RPA3: variants seen among roughly 807,000 people sequenced by gnomAD.
RPA3 encodes replication protein A3.
Under a neutral mutation model 13.7 loss-of-function variants are expected in RPA3, and 24 were observed. The observed-to-expected ratio is 1.75, with a 90% CI of 1.27 to 2.46. The LOEUF (loss-of-function observed/expected upper bound fraction) is 2.46, where lower values mean the gene tolerates loss of function less well. Ranked by LOEUF, RPA3 falls within the 30% of genes most tolerant of loss-of-function variation. The probability of loss-of-function intolerance (pLI) is 0.00; values close to 1 mark genes in which losing one functional copy is unlikely to be tolerated. For synonymous variants in RPA3, 59 were observed against 51.2 expected (o/e 1.15, Z -0.65); for missense variants, 183 against 151.0 (o/e 1.21, Z -1.11).
intron 4 of RPA3, among the ~76,000 whole-genome samples, chr7:7,659,922 T>C (rs900487919): frequency 6.6e-6 from 1 of 152,196 alleles, no homozygotes; most frequent in African/African-American, 2.4e-5. Context: ...CCCACTATTA[T>C]TGTGTTGGAG....
chr7:7,659,364 T>C (rs1044544671), intron 4 of RPA3, among the ~76,000 whole-genome samples: 1 of 152,190 alleles, frequency 6.6e-6, no homozygotes, highest in African/African-American at 2.4e-5. Flanking sequence ...ATTTGTTTGC[T>C]CTTGCTTCTC....
intron 2 of RPA3, among the ~76,000 whole-genome samples, chr7:7,687,888 A>T (rs149528167): frequency 2.0e-5 from 3 of 152,338 alleles, no homozygotes; most frequent in African/African-American, 7.2e-5. Context: ...GGAACGACTT[A>T]TTTTTATTTC....
intron 2 of RPA3, among the ~76,000 whole-genome samples, chr7:7,696,138 T>C (rs1190794436): frequency 6.6e-6 from 1 of 151,988 alleles, no homozygotes; most frequent in Non-Finnish European, 1.5e-5. Context: ...CCTGAGTAGC[T>C]GGGACTACAG....
intron 4 of RPA3, among the ~76,000 whole-genome samples, chr7:7,677,647 T>C (rs1222388817): frequency 6.6e-6 from 1 of 150,980 alleles, no homozygotes; most frequent in East Asian, 2.0e-4. Context: ...TTTCTTTATC[T>C]ATTCATCTGT....
intron 4 of RPA3, among the ~76,000 whole-genome samples, chr7:7,671,843 C>G (rs1167719372): frequency 1.3e-5 from 2 of 152,166 alleles, no homozygotes; most frequent in African/African-American, 2.4e-5. Context: ...CCAGTAAGCA[C>G]TTTCTTTAAG....
chr7:7,694,226 A>G (rs1780250677), intron 2 of RPA3, among the ~76,000 whole-genome samples: 2 of 152,046 alleles, frequency 1.3e-5, no homozygotes, highest in African/African-American at 2.4e-5. Flanking sequence ...ACTTATTGGT[A>G]ACTTTTTATT....
intron 3 of RPA3, among the ~76,000 whole-genome samples, chr7:7,686,452 TA>T (rs2115130424): frequency 6.6e-6 from 1 of 152,340 alleles, no homozygotes; most frequent in Non-Finnish European, 1.5e-5. Context: ...GACAATTTTT[TA>T]AAAATGTAGA....
chr7:7,673,337 C>T (rs1779655218), intron 4 of RPA3: 1 of 1,240,218 alleles, frequency 8.1e-7, no homozygotes, highest in African/African-American at 1.6e-5. Context: ...GCAGCAGCAG[C>T]AGCAGCAGCA....
intron 4 of RPA3, among the ~76,000 whole-genome samples, chr7:7,679,731 T>TAC (rs1428804957): frequency 0.028 from 3,821 of 135,888 alleles, 121 homozygotes; most frequent in East Asian, 0.08. Context: ...TATATATATA[T>TAC]ACACACACAC....
intron 4 of RPA3, among the ~76,000 whole-genome samples, chr7:7,673,122 G>C (rs147523661): frequency 1.7e-4 from 26 of 152,196 alleles, no homozygotes; most frequent in Admixed American, 2.0e-4. Flanking sequence ...GGATACAGGA[G>C]TTTAAATTGG....
At chr7:7,673,711 C>CT (rs1303262041) in intron 4 of RPA3, among the ~76,000 whole-genome samples, 1 of 88,496 alleles carries the variant, frequency 1.1e-5, no homozygotes, top group Non-Finnish European at 2.5e-5. Flanking sequence ...TTTTCCCCCC[C>CT]TTTTTTTTTT....
At chr7:7,698,298 A>T (rs1780364771) in intron 2 of RPA3, among the ~76,000 whole-genome samples, 1 of 152,222 alleles carries the variant, frequency 6.6e-6, no homozygotes, top group Non-Finnish European at 1.5e-5. Flanking sequence ...TTCTTGAAGT[A>T]ACTAGAGAAA....
At chr7:7,661,894 A>AAGCTGCACCCAC (rs1463032947) in intron 4 of RPA3, among the ~76,000 whole-genome samples, 8 of 152,100 alleles carry the variant, frequency 5.3e-5, no homozygotes, top group African/African-American at 1.9e-4. Flanking sequence ...AATTCTGCTG[A>AAGCTGCACCCAC]AGCTGCACCC....
chr7:7,682,881 A>G (rs911999546), intron 4 of RPA3, among the ~76,000 whole-genome samples: 3 of 152,224 alleles, frequency 2.0e-5, no homozygotes, highest in Non-Finnish European at 2.9e-5. Flanking sequence ...TTTTCTATTA[A>G]GAAATGTGGA....
intron 2 of RPA3, among the ~76,000 whole-genome samples, chr7:7,703,534 T>A (rs1780520140): frequency 6.6e-6 from 1 of 152,200 alleles, no homozygotes; most frequent in East Asian, 1.9e-4. Context: ...CTATATTGAA[T>A]CCCAGAGGTC....
intron 2 of RPA3, among the ~76,000 whole-genome samples, chr7:7,713,208 G>A (rs1245604551): frequency 6.6e-6 from 1 of 151,962 alleles, no homozygotes; most frequent in Admixed American, 6.6e-5. Context: ...GCTGGGCATG[G>A]TGGCGTGCAC....
intron 2 of RPA3, among the ~76,000 whole-genome samples, chr7:7,689,892 A>G (rs1780134165): frequency 6.6e-6 from 1 of 152,212 alleles, no homozygotes; most frequent in Non-Finnish European, 1.5e-5. Flanking sequence ...TAACAACCAT[A>G]GTAATTGGTG....
Position 7,639,106 on chromosome 7 carries a change from T to C in RPA3, c.138A>G (p.Gly46=), listed in dbSNP as rs1487041719. The C allele has an allele frequency of 6.2e-7, 1 of 1,612,912 alleles. No homozygotes were observed. Among genetic ancestry groups the C allele is most frequent in the African/African-American group, 1.3e-5 (1 of 74,990 alleles). The change falls in exon 6 of 8, where the codon GGA becomes GGG. Residue 46 remains glycine (G), a synonymous_variant. Transcript: ENST00000223129. ...ACTCGATGGTTCCATTTTTTCCTTC[T>C]CCATCTGAAAGAATAAACATTTTTC... ...PTGKMFILSD[G]EGKNGTIELM...
At chr7:7,650,736 C>T (rs4720749) in intron 4 of RPA3, among the ~76,000 whole-genome samples, 46,700 of 152,164 alleles carry the variant, frequency 0.31, 9,140 homozygotes, top group East Asian at 0.79. Flanking sequence ...GCATCCTGAA[C>T]CCAGAATGGT....
Sources: allele counts gnomAD v4.1 joint callset (sites outside exome capture counted in the v4.1 genomes callset), GRCh38; gene constraint gnomAD v4.1.1; transcripts MANE v1.5; gene names NCBI Gene and HGNC (gene_info 2026-07-23, HGNC 2026-07-21).